The following IFT88 variants were observed in gnomAD, a reference collection of about 807,000 sequenced individuals.
IFT88 encodes the protein intraflagellar transport 88, also known as intraflagellar transport protein 88 homolog.
IFT88 carries 74 observed loss-of-function variants against 119.5 expected under a neutral mutation model. The observed-to-expected ratio is 0.62, with a 90% CI of 0.51 to 0.75. The LOEUF (loss-of-function observed/expected upper bound fraction) is 0.75, where lower values mean the gene tolerates loss of function less well. Ranked by LOEUF, IFT88 falls within the 30% of genes least tolerant of loss-of-function variation. The pLI is 0.00. For synonymous variants in IFT88, 279 were observed against 316.7 expected (o/e 0.88, Z 1.26); for missense variants, 961 against 977.7 (o/e 0.98, Z 0.23).
chr13:20,607,454 A>C lies in IFT88; in HGVS notation c.1112+2349A>C, dbSNP rs2043687376. On this transcript the variant is annotated intron_variant, in intron 13 of 25. Coordinates refer to ENST00000351808, the MANE Select transcript of IFT88 (RefSeq NM_006531.5). ...GAGCAACAAGGTGTACTTGTCACTC[A>C]TCCCCATCATCAGCGGCGTCCTGAT... 9 of 668,798 alleles carry C rather than the reference A, an allele frequency of 1.3e-5. No individual in the cohort carries two copies. In the South Asian group the frequency reaches 1.4e-4, roughly 10 times the overall value. The allele number at this position is 668,798 out of a possible 1,614,324, so 41.4% of individuals were successfully genotyped here. A position where few individuals can be genotyped will look rare whatever the true frequency, so the allele number is the denominator to read the frequency against.
At chr13:20,572,677 G>A (rs1036352872) in intron 1 of IFT88, among the ~76,000 whole-genome samples, 5 of 152,142 alleles carry the variant, frequency 3.3e-5, no homozygotes, top group African/African-American at 1.2e-4. Flanking sequence ...TATTTGCTGA[G>A]TTTTCACAAA....
intron 12 of IFT88, among the ~76,000 whole-genome samples, chr13:20,603,489 G>A (rs570251733): frequency 6.6e-6 from 1 of 152,010 alleles, no homozygotes; most frequent in South Asian, 2.1e-4. Flanking sequence ...CTCTCCCTGT[G>A]TCTCAGTTCT....
intron 9 of IFT88, among the ~76,000 whole-genome samples, chr13:20,597,823 A>G (rs563225749): frequency 2.0e-5 from 3 of 151,446 alleles, no homozygotes; most frequent in South Asian, 2.1e-4. Flanking sequence ...CAATGGCTCT[A>G]TTTCTTGAAG....
intron 23 of IFT88, among the ~76,000 whole-genome samples, chr13:20,670,523 C>CTTT (rs56143632): frequency 2.0e-4 from 19 of 94,980 alleles, no homozygotes; most frequent in South Asian, 7.8e-4. Flanking sequence ...CTCAGCTTAC[C>CTTT]TTTTTTTTTT....
At chr13:20,588,467 A>G (rs1382615937) in intron 3 of IFT88, among the ~76,000 whole-genome samples, 3 of 152,050 alleles carry the variant, frequency 2.0e-5, no homozygotes, top group African/African-American at 7.2e-5. Context: ...GTTGGTTTTA[A>G]TTGAGAGACA....
chr13:20,644,400 C>G (rs2050426209), intron 19 of IFT88, among the ~76,000 whole-genome samples: 1 of 152,068 alleles, frequency 6.6e-6, no homozygotes, highest in Non-Finnish European at 1.5e-5. Flanking sequence ...ACTTAGGAGA[C>G]TAAGGCACGA....
chr13:20,569,271 T>C (rs1421792950), intron 1 of IFT88, among the ~76,000 whole-genome samples: 1 of 151,886 alleles, frequency 6.6e-6, no homozygotes, highest in Non-Finnish European at 1.5e-5. Flanking sequence ...AAATTGTATA[T>C]CATCAAAATT....
At chr13:20,598,624 T>A in intron 9 of IFT88, 27 bp from the exon 10 acceptor site, 1 of 1,459,480 alleles carries the variant, frequency 6.9e-7, no homozygotes, top group South Asian at 1.1e-5. Context: ...GTCTTATGTG[T>A]CTTTTCTATA....
chr13:20,650,979 C>CAT (rs759018090), intron 20 of IFT88, among the ~76,000 whole-genome samples: 7 of 152,012 alleles, frequency 4.6e-5, no homozygotes, highest in Non-Finnish European at 8.8e-5. Context: ...ATCAATTTAC[C>CAT]ATATATATGA....
At chr13:20,626,192 C>G (rs1384731962) in intron 15 of IFT88, among the ~76,000 whole-genome samples, 1 of 151,098 alleles carries the variant, frequency 6.6e-6, no homozygotes, top group Non-Finnish European at 1.5e-5. Context: ...TCCCGAGTAG[C>G]TGGGACTATA....
At chr13:20,584,230 T>C (rs1244393016) in intron 3 of IFT88, among the ~76,000 whole-genome samples, 2 of 152,098 alleles carry the variant, frequency 1.3e-5, no homozygotes, top group Non-Finnish European at 2.9e-5. Flanking sequence ...GGTATGGACA[T>C]CTTAACAATA....
chr13:20,591,718 A>C, intron 6 of IFT88, 37 bp downstream of exon 6: 1 of 1,252,144 alleles, frequency 8.0e-7, no homozygotes, highest in Non-Finnish European at 1.2e-6. Context: ...TCTTTTTTGG[A>C]TCTTTTAATC....
chr13:20,590,977 C>T lies in IFT88; in HGVS notation c.221C>T (p.Ser74Phe). The change falls in exon 5 of 26, where the codon TCT (serine) becomes TTT (phenylalanine). Residue 74 changes from serine to phenylalanine, a missense_variant. Ser to Phe is a radical substitution (Grantham distance 155). Coordinates refer to ENST00000351808, the MANE Select transcript of IFT88 (RefSeq NM_006531.5). ...TTTTCTGTTTACTAGTCCAAGACAT[C>T]TCTGGCATCATCAATAGGAAGACCA... The part of the protein sequence containing the change: ...PIATGYGSKT[S>F]LASSIGRPMT... The T allele has an allele frequency of 1.2e-6, 2 of 1,608,458 alleles. No homozygotes were observed. The highest frequency in any genetic ancestry group is 1.7e-6 in the Non-Finnish European group (2 of 1,176,304).
chr13:20,620,589 C>T (rs187104410), intron 14 of IFT88, among the ~76,000 whole-genome samples: 18 of 152,178 alleles, frequency 1.2e-4, no homozygotes, highest in Non-Finnish European at 2.5e-4. Flanking sequence ...TTTTTTGAGA[C>T]GGAGTCTTAC....
chr13:20,666,085 C>T (rs188485800), intron 23 of IFT88, among the ~76,000 whole-genome samples: 4 of 152,124 alleles, frequency 2.6e-5, no homozygotes, highest in South Asian at 4.1e-4. Context: ...TCCATAGAAC[C>T]GAAACCCAAT....
chr13:20,630,333 C>CA (rs1317661181), intron 15 of IFT88, among the ~76,000 whole-genome samples: 2 of 152,134 alleles, frequency 1.3e-5, no homozygotes, highest in Non-Finnish European at 2.9e-5. Context: ...ACAGTGCCTT[C>CA]AAAAAATATT....
At chr13:20,689,179 G>C (rs2058244636) in intron 24 of IFT88, among the ~76,000 whole-genome samples, 1 of 152,122 alleles carries the variant, frequency 6.6e-6, no homozygotes, top group Non-Finnish European at 1.5e-5. Flanking sequence ...TGATCTGCCT[G>C]CCTTGGCCTC....
At chr13:20,655,021 T>G (rs2052495383) in intron 21 of IFT88, among the ~76,000 whole-genome samples, 1 of 152,226 alleles carries the variant, frequency 6.6e-6, no homozygotes, top group African/African-American at 2.4e-5. Context: ...TATAACTCAT[T>G]TGCTAAGATT....
chr13:20,608,036 A>G, intron 13 of IFT88: 1 of 555,588 alleles, frequency 1.8e-6, no homozygotes, highest in South Asian at 1.7e-5. Context: ...AGCCCCACCA[A>G]TGGCCTCCTC....
Sources: allele counts gnomAD v4.1 joint callset (sites outside exome capture counted in the v4.1 genomes callset), GRCh38; gene constraint gnomAD v4.1.1; transcripts MANE v1.5; gene names NCBI Gene and HGNC (gene_info 2026-07-23, HGNC 2026-07-21).